NID1: variants seen among roughly 807,000 people sequenced by gnomAD.
NID1 encodes nidogen 1, also known as nidogen-1.
Under a neutral mutation model 130.6 loss-of-function variants are expected in NID1, and 76 were observed. The ratio of observed to expected loss-of-function variants is 0.58; its 90% CI spans 0.48 to 0.70. NID1 has a LOEUF of 0.70. Ranked by LOEUF, NID1 falls within the 30% of genes least tolerant of loss-of-function variation. The pLI, the probability that NID1 is intolerant of heterozygous loss-of-function variation, is 0.00. For missense variants in NID1, 1,517 were observed against 1,664.8 expected, an observed-to-expected ratio of 0.91 and a Z score of 1.54; for synonymous variants, 665 against 675.1, an observed-to-expected ratio of 0.98 and a Z score of 0.23.
At chr1:236,038,620 G>T (rs560094209) in intron 4 of NID1, among the ~76,000 whole-genome samples, 2 of 151,352 alleles carry the variant, frequency 1.3e-5, no homozygotes, top group South Asian at 4.2e-4. Flanking sequence ...AGAACAATGA[G>T]CTTCATGTTT....
intron 9 of NID1, among the ~76,000 whole-genome samples, chr1:236,020,649 A>G (rs1208707729): frequency 6.6e-6 from 1 of 152,176 alleles, no homozygotes; most frequent in Non-Finnish European, 1.5e-5. Context: ...TGAATCACAA[A>G]GGCTCATCCT....
Position 236,042,040 on chromosome 1 carries a change from G to A in NID1, c.1005C>T (p.Arg335=), listed in dbSNP as rs751558873. The A allele has an allele frequency of 6.2e-7, 1 of 1,614,172 alleles. No individual in the cohort carries two copies. Among genetic ancestry groups the A allele is most frequent in the Non-Finnish European group, 8.5e-7 (1 of 1,180,040 alleles). The part of the protein sequence containing the change: ...TYSVPSVLSP[R]RAATERPLGP... Reference sequence around the variant, plus strand: ...CAAGGGGCCTTTCGGTAGCTGCCCGGCGCGGGGAGAGGACGCTGGGCACAC... The same window carrying A: ...CAAGGGGCCTTTCGGTAGCTGCCCGACGCGGGGAGAGGACGCTGGGCACAC... The change falls in exon 4 of 20, where the codon CGC becomes CGT. Residue 335 remains arginine (R), a synonymous_variant. Coordinates refer to ENST00000264187, the MANE Select transcript of NID1 (RefSeq NM_002508.3).
intron 10 of NID1, 136 bp downstream of exon 10, chr1:236,017,012 G>T: frequency 8.9e-7 from 1 of 1,119,266 alleles, no homozygotes; most frequent in Non-Finnish European, 1.3e-6. Context: ...GGCTAAGTCT[G>T]ATTCATCTTT....
At chr1:236,004,212 G>A (rs965024704) in intron 12 of NID1, among the ~76,000 whole-genome samples, 4 of 152,094 alleles carry the variant, frequency 2.6e-5, no homozygotes, top group African/African-American at 9.7e-5. Flanking sequence ...TTACTTTTTA[G>A]AGTCCAGTTC....
intron 15 of NID1, 24 bp downstream of exon 15, chr1:235,985,355 G>A (rs1305345200): frequency 6.2e-7 from 1 of 1,613,616 alleles, no homozygotes; most frequent in East Asian, 2.2e-5. Flanking sequence ...AACCAAAAAG[G>A]AAAAATGATA....
At chr1:236,026,420 A>G (rs1388170659) in intron 7 of NID1, among the ~76,000 whole-genome samples, 1 of 152,134 alleles carries the variant, frequency 6.6e-6, no homozygotes, top group African/African-American at 2.4e-5. Context: ...AGTTTTGAAG[A>G]CGCCCAGAAC....
At chr1:235,978,138 T>C (rs553670688) in intron 19 of NID1, 150 bp from the exon 20 acceptor site, 3 of 861,204 alleles carry the variant, frequency 3.5e-6, no homozygotes, top group Admixed American at 2.9e-5. Context: ...GACACTGTGC[T>C]AGGCAGTCAG....
At chr1:236,002,395 C>T (rs1172437770) in intron 12 of NID1, among the ~76,000 whole-genome samples, 2 of 151,992 alleles carry the variant, frequency 1.3e-5, no homozygotes, top group Admixed American at 6.6e-5. Flanking sequence ...CCCAGCTACT[C>T]GGGAGATTGA....
intron 15 of NID1, among the ~76,000 whole-genome samples, chr1:235,983,918 C>G (rs1369844081): frequency 1.3e-5 from 2 of 151,940 alleles, no homozygotes; most frequent in Admixed American, 6.6e-5. Flanking sequence ...AACTGTCACT[C>G]TCACTCACTA....
chr1:236,042,119 C>T lies in NID1; in HGVS notation c.926G>A (p.Gly309Asp), dbSNP rs774395438. 1.2e-6 allele frequency: 2 copies of T among 1,614,122 alleles called. No individual in the cohort carries two copies. Among genetic ancestry groups the T allele is most frequent in the Admixed American group, 1.7e-5 (1 of 60,016 alleles). Residue 309 changes from glycine to aspartate, a missense_variant, in exon 4 of 20, where the codon GGC becomes GAC. Gly to Asp is a moderately conservative substitution (Grantham distance 94). Coordinates refer to ENST00000264187, the MANE Select transcript of NID1 (RefSeq NM_002508.3). ...AGCCTTGTAGGAGAAGGGCGTGGTGCCCACATCCTCCAGGCCCAGACGAGT... is the reference window on the plus strand; with the variant it reads ...AGCCTTGTAGGAGAAGGGCGTGGTGTCCACATCCTCCAGGCCCAGACGAGT... The part of the protein sequence containing the change: ...ATTRLGLEDV[G>D]TTPFSYKALR...
intron 9 of NID1, among the ~76,000 whole-genome samples, chr1:236,018,248 T>C (rs1415878491): frequency 6.6e-6 from 1 of 152,214 alleles, no homozygotes; most frequent in Non-Finnish European, 1.5e-5. Flanking sequence ...ACTTGTGTGG[T>C]CTTGGGCAAG....
intron 9 of NID1, among the ~76,000 whole-genome samples, chr1:236,018,132 T>C (rs1658656011): frequency 6.6e-6 from 1 of 152,194 alleles, no homozygotes; most frequent in Non-Finnish European, 1.5e-5. Context: ...GATGTCCTTT[T>C]ATATGACAAT....
chr1:236,038,117 T>C lies in NID1; in HGVS notation c.1272A>G (p.Gln424=), dbSNP rs1445462070. The C allele has an allele frequency of 1.3e-6, 2 of 1,599,462 alleles. No individual in the cohort carries two copies. Among genetic ancestry groups the C allele is most frequent in the Non-Finnish European group, 1.7e-6 (2 of 1,168,510 alleles). The change falls in exon 5 of 20, where the codon CAA becomes CAG. Residue 424 remains glutamine (Q), a synonymous_variant. Transcript: ENST00000264187. The stretch of plus-strand genomic sequence containing the variant: ...AAAGCAAATTACCTTCTGCAACACA[T>C]TGCCTGCCATTGCCCGTATAGCCAG... The part of the protein sequence containing the change: ...CVAGYTGNGR[Q]CVAEGSPQRV...
At chr1:236,035,180 T>C (rs1238464443) in intron 5 of NID1, among the ~76,000 whole-genome samples, 2 of 110,026 alleles carry the variant, frequency 1.8e-5, no homozygotes, top group Non-Finnish European at 3.6e-5. Context: ...AGTGTGATAT[T>C]CCCCTTCCTG....
chr1:235,976,082 T>G lies in NID1; in HGVS notation c.*1785A>C, dbSNP rs1480556661. The G allele has an allele frequency of 1.3e-5, 2 of 152,256 alleles. No individual in the cohort carries two copies. Among genetic ancestry groups the G allele is most frequent in the African/African-American group, 4.8e-5 (2 of 41,428 alleles). 9.4% of individuals were successfully genotyped at this position (152,256 alleles called of 1,614,324 possible). On this transcript the variant is annotated 3_prime_UTR_variant, in exon 20 of 20. Transcript: ENST00000264187. ...AATATGAAACGATAAATACAAAAAG[T>G]GAGACTAATTTATGGATTTGGGCTA...
intron 15 of NID1, among the ~76,000 whole-genome samples, chr1:235,982,840 G>A (rs1003186099): frequency 7.9e-5 from 12 of 152,170 alleles, no homozygotes; most frequent in African/African-American, 2.6e-4. Flanking sequence ...GAGGGATCTG[G>A]GGTATGAGGC....
At chr1:235,992,110 C>G (rs144056498) in intron 13 of NID1, among the ~76,000 whole-genome samples, 1 of 152,282 alleles carries the variant, frequency 6.6e-6, no homozygotes, top group East Asian at 1.9e-4. Context: ...GTCTGGAGAC[C>G]TGAGCCCTGT....
At chr1:236,013,251 A>G (rs1658484141) in intron 11 of NID1, among the ~76,000 whole-genome samples, 160 bp downstream of exon 11, 1 of 152,234 alleles carries the variant, frequency 6.6e-6, no homozygotes, top group African/African-American at 2.4e-5. Flanking sequence ...GCATAGTTCA[A>G]ACTACTAGAG....
At chr1:236,008,632 C>T (rs1658318856) in intron 12 of NID1, among the ~76,000 whole-genome samples, 2 of 151,842 alleles carry the variant, frequency 1.3e-5, no homozygotes, top group East Asian at 1.9e-4. Flanking sequence ...TCCTGAGTAA[C>T]TGGGATTACA....
Sources: gnomAD v4.1 joint callset for allele counts (sites outside exome capture counted in the v4.1 genomes callset) on GRCh38, gnomAD v4.1.1 for gene constraint, MANE v1.5 for transcripts, NCBI Gene and HGNC (gene_info 2026-07-23, HGNC 2026-07-21) for gene names.